The following LRBA variants were observed in gnomAD, a reference collection of about 807,000 sequenced individuals.
LRBA encodes LPS responsive beige-like anchor protein.
LRBA carries 176 observed loss-of-function variants against 330.0 expected under a neutral mutation model. That is an observed-to-expected ratio of 0.53 (90% CI 0.47 to 0.60). The LOEUF is 0.60. Among genes scored for constraint, LRBA ranks in the 20% least tolerant of loss-of-function variants. The probability of loss-of-function intolerance (pLI) is 0.00; values close to 1 mark genes in which losing one functional copy is unlikely to be tolerated. For synonymous variants in LRBA, 1,230 were observed against 1,193.0 expected (o/e 1.03, Z -0.64); for missense variants, 3,259 against 3,444.8 (o/e 0.95, Z 1.35).
chr4:150,508,438 A>C (rs1761426840), intron 40 of LRBA, among the ~76,000 whole-genome samples: 2 of 151,842 alleles, frequency 1.3e-5, no homozygotes. Context: ...ACAGGTGCCC[A>C]CCACCATGCC....
chr4:150,713,459 A>G (rs1395665108), intron 36 of LRBA, among the ~76,000 whole-genome samples: 1 of 152,190 alleles, frequency 6.6e-6, no homozygotes, highest in South Asian at 2.1e-4. Flanking sequence ...GGAACTCGGA[A>G]AAATCACTCA....
Position 150,893,039 on chromosome 4 carries a change from TA to T in LRBA, c.2165+12del. On this transcript the variant is annotated intron_variant, in intron 17 of 56. Transcript: ENST00000651943. ...AACTAATCCCTTATATGAAATAGAT[TA>T]AAAACTCTTACCGTAACCCATTCCT... 1 of 1,543,654 alleles carries T rather than the reference TA, an allele frequency of 6.5e-7. No homozygotes were observed.
intron 42 of LRBA, among the ~76,000 whole-genome samples, chr4:150,476,810 A>G (rs1339115557): frequency 6.6e-6 from 1 of 152,180 alleles, no homozygotes; most frequent in Non-Finnish European, 1.5e-5. Flanking sequence ...TAAAACTGGT[A>G]TCTGTGTGTA....
At chr4:150,563,182 T>C (rs1768608435) in intron 40 of LRBA, among the ~76,000 whole-genome samples, 1 of 152,142 alleles carries the variant, frequency 6.6e-6, no homozygotes, top group African/African-American at 2.4e-5. Context: ...GACTTACTAG[T>C]ATTAGCATCA....
intron 47 of LRBA, among the ~76,000 whole-genome samples, chr4:150,398,221 T>C (rs547270339): frequency 1.4e-4 from 22 of 152,270 alleles, no homozygotes; most frequent in Admixed American, 1.2e-3. Flanking sequence ...AAGATTTTAC[T>C]TAGAAAAAAC....
intron 44 of LRBA, among the ~76,000 whole-genome samples, chr4:150,444,007 A>T (rs1752253171): frequency 6.6e-6 from 1 of 150,952 alleles, no homozygotes; most frequent in South Asian, 2.1e-4. Context: ...TTTAGATTAA[A>T]TGCTCTTTTG....
intron 17 of LRBA, among the ~76,000 whole-genome samples, chr4:150,876,168 C>A (rs1323201573): frequency 1.3e-5 from 2 of 151,810 alleles, no homozygotes; most frequent in Non-Finnish European, 2.9e-5. Context: ...TTTACCTGAA[C>A]AAAAATTTTC....
intron 48 of LRBA, among the ~76,000 whole-genome samples, chr4:150,344,968 T>C (rs1736088680): frequency 6.6e-6 from 1 of 152,218 alleles, no homozygotes; most frequent in African/African-American, 2.4e-5. Flanking sequence ...GCCATCTCTT[T>C]TATCTATGTG....
intron 56 of LRBA, among the ~76,000 whole-genome samples, chr4:150,267,767 T>A (rs868016247): frequency 8.5e-5 from 13 of 152,128 alleles, no homozygotes; most frequent in Non-Finnish European, 1.5e-4. Flanking sequence ...CTAGCTAGAC[T>A]AAGATGACTT....
At chr4:150,904,719 A>C (rs1176842738) in intron 13 of LRBA, among the ~76,000 whole-genome samples, 1 of 152,166 alleles carries the variant, frequency 6.6e-6, no homozygotes, top group African/African-American at 2.4e-5. Flanking sequence ...AATGAGGTCA[A>C]ATTTGACCTG....
At chr4:150,973,688 T>C (rs893208719) in intron 2 of LRBA, among the ~76,000 whole-genome samples, 5 of 152,166 alleles carry the variant, frequency 3.3e-5, no homozygotes, top group Non-Finnish European at 5.9e-5. Context: ...GGCTATTGAT[T>C]CTGTTTAAAG....
chr4:150,806,569 T>C (rs201467458), intron 32 of LRBA, among the ~76,000 whole-genome samples, 165 bp from the exon 33 acceptor site: 2 of 152,176 alleles, frequency 1.3e-5, no homozygotes, highest in East Asian at 3.9e-4. Flanking sequence ...CTGCCAAAAA[T>C]ATTCGTTTTT....
At chr4:150,976,194 A>AG (rs397826664) in intron 2 of LRBA, among the ~76,000 whole-genome samples, 2 of 127,830 alleles carry the variant, frequency 1.6e-5, no homozygotes, top group African/African-American at 5.3e-5. Flanking sequence ...AAAAAAAAAA[A>AG]GAACAAAAAG....
At chr4:150,853,027 TAC>T in intron 22 of LRBA, 84 bp from the exon 23 acceptor site, 1 of 672,942 alleles carries the variant, frequency 1.5e-6, no homozygotes, top group Non-Finnish European at 2.3e-6. Flanking sequence ...AATTTTCAAA[TAC>T]ATAGTTTATA....
At chr4:150,373,309 G>A (rs114201714) in intron 47 of LRBA, among the ~76,000 whole-genome samples, 2,493 of 151,556 alleles carry the variant, frequency 0.016, 25 homozygotes, top group Middle Eastern at 0.044. Context: ...TTGTATTTTT[G>A]AGTAATTTAT....
At chr4:150,877,262 A>G (rs1754151018) in intron 17 of LRBA, among the ~76,000 whole-genome samples, 1 of 151,464 alleles carries the variant, frequency 6.6e-6, no homozygotes, top group South Asian at 2.1e-4. Flanking sequence ...CGTATCAAAA[A>G]AAAAAAAAAA....
intron 34 of LRBA, among the ~76,000 whole-genome samples, chr4:150,775,522 A>G (rs927308528): frequency 6.6e-6 from 1 of 150,640 alleles, no homozygotes; most frequent in African/African-American, 2.4e-5. Flanking sequence ...AGCATAAGAG[A>G]GGAAAGAGGG....
chr4:150,872,554 T>TA (rs1753561635), intron 18 of LRBA, 109 bp downstream of exon 18: 1 of 667,984 alleles, frequency 1.5e-6, no homozygotes, highest in Admixed American at 3.0e-5. Flanking sequence ...AATTTATGAA[T>TA]AAAAATAAAA....
At position 150,900,156 on chromosome 4, in the gene LRBA, T is replaced by C. The variant is rs1361489633; in HGVS notation, c.1817A>G (p.Asn606Ser). ...CACTGTTCCAACTCTCCGAATGGTG[T>C]TATATATGTTGACTGTACCAATGAA... Reference protein sequence around the residue: ...TEFIGTVNIYNTIRRVGTVLL... With the variant: ...TEFIGTVNIYSTIRRVGTVLL... Residue 606 changes from asparagine (N) to serine (S), a missense_variant, in exon 14 of 57, where the codon AAC becomes AGC. Transcript: ENST00000651943. The C allele has an allele frequency of 6.2e-7, 1 of 1,612,662 alleles. No homozygotes were observed. Among genetic ancestry groups the C allele is most frequent in the Non-Finnish European group, 8.5e-7 (1 of 1,178,738 alleles).
Sources: allele counts gnomAD v4.1 joint callset (sites outside exome capture counted in the v4.1 genomes callset), GRCh38; gene constraint gnomAD v4.1.1; transcripts MANE v1.5; gene names NCBI Gene and HGNC (gene_info 2026-07-23, HGNC 2026-07-21).